Variants in CYP3A43 observed in about 807,000 individuals in gnomAD.
The protein encoded by CYP3A43 is cytochrome P450 3A43.
A neutral mutation model predicts 58.0 loss-of-function variants in CYP3A43; 45 were observed. The observed-to-expected ratio is 0.78, with a 90% CI of 0.61 to 0.99. The LOEUF is 0.99. Among genes scored for constraint, CYP3A43 ranks in the 50% least tolerant of loss-of-function variants. CYP3A43 has a pLI of 0.00. For synonymous variants in CYP3A43, 191 were observed against 201.4 expected (o/e 0.95, Z 0.44); for missense variants, 593 against 591.9 (o/e 1.00, Z -0.02).
chr7:99,844,368 A>C, intron 4 of CYP3A43, 126 bp downstream of exon 4: 1 of 846,420 alleles, frequency 1.2e-6, no homozygotes, highest in Non-Finnish European at 1.9e-6. Context: ...CCCAATGGTG[A>C]TGTCTTATTT....
At chr7:99,830,937 C>T (rs1816817922) in intron 1 of CYP3A43, among the ~76,000 whole-genome samples, 1 of 152,292 alleles carries the variant, frequency 6.6e-6, no homozygotes, top group South Asian at 2.1e-4. Context: ...AAACATTATC[C>T]ACCTCCTCTT....
At position 99,836,351 on chromosome 7, in the gene CYP3A43, C is replaced by A. The variant is rs1817076148; in HGVS notation, c.72-102C>A. 6 of 838,928 alleles carry A rather than the reference C, an allele frequency of 7.2e-6. No individual in the cohort carries two copies. The South Asian group carries it at 9.0e-5, about 13-fold the overall frequency. 52.0% of individuals were successfully genotyped at this position (838,928 alleles called of 1,614,324 possible). A position where few individuals can be genotyped will look rare whatever the true frequency, so the allele number is the denominator to read the frequency against. On this transcript the variant is annotated intron_variant, in intron 1 of 12. Transcript: ENST00000354829. ...GTTGTTATTTATTGCCTCCATGTTA[C>A]CTCCCTCCCTTGAACATTCCAGTTC...
At chr7:99,839,500 C>A in intron 3 of CYP3A43, 1 of 520,210 alleles carries the variant, frequency 1.9e-6, no homozygotes, top group Admixed American at 2.4e-5. Context: ...AGACAGATAG[C>A]TGTAATTTCA....
At position 99,863,591 on chromosome 7, in the gene CYP3A43, A is replaced by T. The variant is rs771827617; in HGVS notation, c.1308A>T (p.Gly436=). 6.2e-7 allele frequency: 1 copy of T among 1,614,050 alleles called. No individual in the cohort carries two copies. Among genetic ancestry groups the T allele is most frequent in the South Asian group, 1.1e-5 (1 of 91,038 alleles). The change falls in exon 12 of 13, where the codon GGA becomes GGT. Residue 436 remains glycine (G), a synonymous_variant. Transcript: ENST00000354829. ...SIDLYRYIPF[G]AGPRNCIGMR... Reference sequence around the variant, plus strand: ...ATCTTTACAGATACATACCTTTTGGAGCTGGACCCCGAAACTGCATTGGCA... The same window carrying T: ...ATCTTTACAGATACATACCTTTTGGTGCTGGACCCCGAAACTGCATTGGCA...
chr7:99,830,702 C>T (rs1300437002), intron 1 of CYP3A43, among the ~76,000 whole-genome samples: 1 of 152,180 alleles, frequency 6.6e-6, no homozygotes, highest in African/African-American at 2.4e-5. Context: ...GAAGATACTA[C>T]ATTTTTATAG....
chr7:99,859,723 T>C, intron 9 of CYP3A43, 107 bp from the exon 10 acceptor site: 1 of 1,445,582 alleles, frequency 6.9e-7, no homozygotes. Flanking sequence ...ATTGCTTTTC[T>C]ATTTTTGCTC....
At chr7:99,857,813 A>C (rs1362322267) in intron 9 of CYP3A43, among the ~76,000 whole-genome samples, 3 of 152,234 alleles carry the variant, frequency 2.0e-5, no homozygotes, top group Non-Finnish European at 2.9e-5. Context: ...ACTGCACTCC[A>C]GCCTGGGCAA....
At chr7:99,829,991 T>C (rs930763544) in intron 1 of CYP3A43, among the ~76,000 whole-genome samples, 6 of 152,234 alleles carry the variant, frequency 3.9e-5, no homozygotes, top group African/African-American at 1.4e-4. Context: ...GCTCCAAAAA[T>C]GAAACCCCAA....
intron 3 of CYP3A43, among the ~76,000 whole-genome samples, chr7:99,841,977 T>C (rs1461650169): frequency 6.6e-6 from 1 of 152,232 alleles, no homozygotes; most frequent in East Asian, 1.9e-4. Context: ...GCTGTTATAA[T>C]AAATACTTCA....
At chr7:99,832,655 C>T (rs1001456463) in intron 1 of CYP3A43, among the ~76,000 whole-genome samples, 37 of 150,940 alleles carry the variant, frequency 2.5e-4, no homozygotes, top group Admixed American at 7.3e-4. Context: ...CAAACCTGCA[C>T]GTTGTGCACA....
At chr7:99,837,011 A>G (rs747526380) in intron 2 of CYP3A43, among the ~76,000 whole-genome samples, 6 of 152,052 alleles carry the variant, frequency 3.9e-5, no homozygotes, top group Non-Finnish European at 7.4e-5. Context: ...GAGCTTTGAA[A>G]ATTCAGTTCA....
At chr7:99,845,925 G>A (rs571847800) in intron 4 of CYP3A43, among the ~76,000 whole-genome samples, 8 of 151,816 alleles carry the variant, frequency 5.3e-5, no homozygotes, top group Non-Finnish European at 8.8e-5. Flanking sequence ...ACAGGCATGC[G>A]GCACCATGCC....
intron 4 of CYP3A43, among the ~76,000 whole-genome samples, chr7:99,845,801 G>A (rs1319016439): frequency 2.0e-5 from 3 of 147,672 alleles, no homozygotes; most frequent in Non-Finnish European, 3.0e-5. Context: ...TTTTTAAGAC[G>A]GTCTCGCTCT....
At chr7:99,850,999 T>C (rs1462242613) in intron 7 of CYP3A43, among the ~76,000 whole-genome samples, 1 of 152,152 alleles carries the variant, frequency 6.6e-6, no homozygotes, top group Non-Finnish European at 1.5e-5. Flanking sequence ...AAACCCTGTC[T>C]CTACTAAAAA....
intron 9 of CYP3A43, among the ~76,000 whole-genome samples, chr7:99,858,688 TA>T (rs2151622433): frequency 7.6e-6 from 1 of 131,594 alleles, no homozygotes; most frequent in East Asian, 2.0e-4. Context: ...TTATTATTAT[TA>T]TTATTATTAT....
chr7:99,862,399 T>C (rs1004681555), intron 11 of CYP3A43, among the ~76,000 whole-genome samples: 7 of 152,208 alleles, frequency 4.6e-5, no homozygotes, highest in Non-Finnish European at 8.8e-5. Context: ...TCATCCCTGA[T>C]GGTTTAAGCC....
At chr7:99,856,956 G>A (rs756919245) in intron 9 of CYP3A43, 57 bp downstream of exon 9, 41 of 1,547,414 alleles carry the variant, frequency 2.6e-5, no homozygotes, top group Non-Finnish European at 3.2e-5. Context: ...AGAAGGCCCT[G>A]TTCTGAAAAT....
chr7:99,836,781 G>C (rs1252522694), intron 2 of CYP3A43, among the ~76,000 whole-genome samples: 3 of 152,140 alleles, frequency 2.0e-5, no homozygotes, highest in Non-Finnish European at 4.4e-5. Flanking sequence ...ATCAGCACTC[G>C]ATGTTCAGGA....
chr7:99,840,027 T>C (rs1817270937), intron 3 of CYP3A43, among the ~76,000 whole-genome samples: 1 of 152,152 alleles, frequency 6.6e-6, no homozygotes, highest in Non-Finnish European at 1.5e-5. Context: ...ATAACCAGCT[T>C]CCAAGGTAGC....
Sources: gnomAD v4.1 joint callset for allele counts (sites outside exome capture counted in the v4.1 genomes callset) on GRCh38, gnomAD v4.1.1 for gene constraint, MANE v1.5 for transcripts, NCBI Gene and HGNC (gene_info 2026-07-23, HGNC 2026-07-21) for gene names.